Variants in RBKS observed in about 807,000 individuals in gnomAD.
RBKS encodes the protein ribokinase.
In RBKS, 33 loss-of-function variants were observed where a neutral mutation model predicts 33.9. The observed-to-expected ratio is 0.97, with a 90% CI of 0.74 to 1.30. RBKS has a LOEUF of 1.30. RBKS is among the 50% of genes most tolerant of loss of function. The probability of loss-of-function intolerance (pLI) is 0.00; values close to 1 mark genes in which losing one functional copy is unlikely to be tolerated. For synonymous variants in RBKS, 125 were observed against 143.0 expected (o/e 0.87, Z 0.90); for missense variants, 361 against 392.6 (o/e 0.92, Z 0.68).
rs1290232492 is a variant in RBKS at position 27,810,008 on chromosome 2, C to A, written c.795+17559G>T. The A allele has an allele frequency of 1.5e-6, 2 of 1,304,260 alleles. No homozygotes were observed. Among genetic ancestry groups the A allele is most frequent in the Non-Finnish European group, 2.0e-6 (2 of 988,938 alleles). The allele number at this position is 1,304,260 out of a possible 1,614,324, so 80.8% of individuals were successfully genotyped here. ...TTTATAATGTTTCTGCTTCTTCACA[C>A]TTGCTGCTTCACTCTTGGGTCTTGA... On this transcript the variant is annotated intron_variant, in intron 7 of 7. Transcript: ENST00000302188. The surrounding 1 kb of genome is among the most constrained non-coding windows in gnomAD (Gnocchi z 4.4).
intron 7 of RBKS, chr2:27,782,444 A>C: frequency 4.3e-6 from 1 of 233,296 alleles, no homozygotes; most frequent in Non-Finnish European, 9.7e-6. Context: ...TCAGCATCCC[A>C]AATGGTGGGA....
chr2:27,804,304 C>T (rs1273626962), intron 7 of RBKS, among the ~76,000 whole-genome samples: 1 of 152,122 alleles, frequency 6.6e-6, no homozygotes, highest in African/African-American at 2.4e-5. Context: ...GCAACCATCA[C>T]CACAATCTAA....
intron 7 of RBKS, among the ~76,000 whole-genome samples, chr2:27,799,356 C>A (rs1474330254): frequency 6.6e-6 from 1 of 152,190 alleles, no homozygotes; most frequent in Non-Finnish European, 1.5e-5. Context: ...TCCGTACCCA[C>A]GCTGAATGAG....
intron 4 of RBKS, among the ~76,000 whole-genome samples, chr2:27,844,328 G>T (rs1663575538): frequency 6.6e-6 from 1 of 151,220 alleles, no homozygotes; most frequent in African/African-American, 2.4e-5. Flanking sequence ...AATACAAGCG[G>T]ATTTCAAAGA....
At chr2:27,805,071 C>T (rs72853259) in intron 7 of RBKS, among the ~76,000 whole-genome samples, 7,626 of 152,012 alleles carry the variant, frequency 0.05, 628 homozygotes, top group African/African-American at 0.17. Context: ...AGGTAAAAAT[C>T]CATCCACATT....
intron 7 of RBKS, among the ~76,000 whole-genome samples, chr2:27,789,963 A>G (rs1296057108): frequency 2.2e-5 from 3 of 138,762 alleles, no homozygotes; most frequent in East Asian, 4.2e-4. Context: ...ATATATATAT[A>G]TATATATATG....
chr2:27,868,541 T>C (rs947631334), intron 1 of RBKS, among the ~76,000 whole-genome samples: 12 of 152,328 alleles, frequency 7.9e-5, no homozygotes, highest in African/African-American at 2.9e-4. Context: ...ATTCAATACA[T>C]AAAACACACA....
At chr2:27,784,475 T>C (rs924315033) in intron 7 of RBKS, among the ~76,000 whole-genome samples, 1 of 152,222 alleles carries the variant, frequency 6.6e-6, no homozygotes, top group Non-Finnish European at 1.5e-5. Context: ...CTAAAATCCA[T>C]TGTGGATTAA....
chr2:27,790,052 A>C (rs968433016), intron 7 of RBKS, among the ~76,000 whole-genome samples: 3 of 145,614 alleles, frequency 2.1e-5, no homozygotes, highest in Non-Finnish European at 4.5e-5. Context: ...CTGGTCTTGA[A>C]CTCCTAGGCT....
chr2:27,835,815 G>A (rs889380795), intron 5 of RBKS, among the ~76,000 whole-genome samples: 20 of 152,040 alleles, frequency 1.3e-4, no homozygotes, highest in East Asian at 7.7e-4. Context: ...AAAAAATGTC[G>A]GAGAGGTTTC....
At chr2:27,789,917 T>TG (rs1558532927) in intron 7 of RBKS, among the ~76,000 whole-genome samples, 2,996 of 105,526 alleles carry the variant, frequency 0.028, 115 homozygotes, top group African/African-American at 0.11. Flanking sequence ...GTGTGTGTGT[T>TG]TGTGTGTGTA....
intron 7 of RBKS, among the ~76,000 whole-genome samples, chr2:27,800,885 T>C (rs536096083): frequency 6.6e-6 from 1 of 152,272 alleles, no homozygotes; most frequent in South Asian, 2.1e-4. Flanking sequence ...TGCTGGGGTC[T>C]CTGAAATCCA....
At position 27,810,178 on chromosome 2, in the gene RBKS, A is replaced by C; in HGVS notation, c.795+17389T>G. 1 of 1,148,402 alleles carries C rather than the reference A, an allele frequency of 8.7e-7. No individual in the cohort carries two copies. The highest frequency in any genetic ancestry group is 1.1e-6 in the Non-Finnish European group (1 of 882,978). The allele number at this position is 1,148,402 out of a possible 1,614,324, so 71.1% of individuals were successfully genotyped here. On this transcript the variant is annotated intron_variant, in intron 7 of 7. Transcript: ENST00000302188. This position sits in a 1 kb window ranked among gnomAD's most constrained non-coding sequence, Gnocchi z 4.4. ...TGGTATATTTGTCTACACAACCCAA[A>C]TTCGTCATATACTGGCTGATTTGTC... is the stretch of plus-strand genomic sequence containing the variant.
At chr2:27,874,397 G>A (rs1043413414) in intron 1 of RBKS, among the ~76,000 whole-genome samples, 5 of 152,194 alleles carry the variant, frequency 3.3e-5, no homozygotes, top group Admixed American at 1.3e-4. Context: ...TACAATCACT[G>A]TCAGAATGGA....
chr2:27,886,835 G>T (rs1664539985), intron 1 of RBKS, among the ~76,000 whole-genome samples: 1 of 152,166 alleles, frequency 6.6e-6, no homozygotes, highest in African/African-American at 2.4e-5. Flanking sequence ...CTGGCTGTGT[G>T]ATTTGGAGTA....
chr2:27,878,342 C>G (rs1173149608), intron 1 of RBKS, among the ~76,000 whole-genome samples: 1 of 151,716 alleles, frequency 6.6e-6, no homozygotes, highest in African/African-American at 2.4e-5. Flanking sequence ...CATCCATGTC[C>G]CTACAAAGGA....
At chr2:27,884,947 C>T (rs1363610171) in intron 1 of RBKS, among the ~76,000 whole-genome samples, 1 of 152,162 alleles carries the variant, frequency 6.6e-6, no homozygotes, top group Non-Finnish European at 1.5e-5. Flanking sequence ...GTGATCTCAT[C>T]CAGCCTCATG....
chr2:27,876,338 T>G (rs943837170), intron 1 of RBKS, among the ~76,000 whole-genome samples: 1 of 152,190 alleles, frequency 6.6e-6, no homozygotes, highest in Non-Finnish European at 1.5e-5. Flanking sequence ...ACAACATGGA[T>G]AAACTTTGAA....
At chr2:27,800,559 A>T (rs547401191) in intron 7 of RBKS, among the ~76,000 whole-genome samples, 2 of 152,336 alleles carry the variant, frequency 1.3e-5, no homozygotes, top group South Asian at 4.1e-4. Context: ...AAGGTGAGGC[A>T]GACAAAGATG....
Sources: gnomAD v4.1 joint callset for allele counts (sites outside exome capture counted in the v4.1 genomes callset) on GRCh38, gnomAD v4.1.1 for gene constraint, Gnocchi (gnomAD v3.1) non-coding constraint, MANE v1.5 for transcripts, NCBI Gene and HGNC (gene_info 2026-07-23, HGNC 2026-07-21) for gene names.